CFAP251: variants seen among roughly 807,000 people sequenced by gnomAD.
The protein encoded by CFAP251 is cilia and flagella associated protein 251.
A neutral mutation model predicts 126.7 loss-of-function variants in CFAP251; 93 were observed. That is an observed-to-expected ratio of 0.73 (90% CI 0.62 to 0.87). The LOEUF is 0.87. Among genes scored for constraint, CFAP251 ranks in the 40% least tolerant of loss-of-function variants. The pLI, the probability that CFAP251 is intolerant of heterozygous loss-of-function variation, is 0.00. For synonymous variants in CFAP251, 503 were observed against 506.9 expected (o/e 0.99, Z 0.10); for missense variants, 1,287 against 1,389.2 (o/e 0.93, Z 1.17).
intron 19 of CFAP251, among the ~76,000 whole-genome samples, chr12:121,979,556 T>C (rs1882563524): frequency 1.7e-5 from 2 of 119,478 alleles, no homozygotes; most frequent in Admixed American, 1.8e-4. Context: ...TAGTCAGCTT[T>C]CTTCTTCTTT....
At chr12:121,943,169 TG>T (rs1233304829) in intron 7 of CFAP251, among the ~76,000 whole-genome samples, 194 bp downstream of exon 7, 1 of 152,004 alleles carries the variant, frequency 6.6e-6, no homozygotes, top group Non-Finnish European at 1.5e-5. Flanking sequence ...AAAAATTCCC[TG>T]GGTGTGGTGG....
chr12:121,954,198 G>A lies in CFAP251; in HGVS notation c.1399G>A (p.Glu467Lys). The A allele has an allele frequency of 6.2e-7, 1 of 1,614,126 alleles. No homozygotes were observed. The highest frequency in any genetic ancestry group is 2.2e-5 in the East Asian group (1 of 44,882). Reference sequence around the variant, plus strand: ...AACACAAATACTCTCAGCCACAATGGAAGGGAAGCTGGTTGTCTGGGACAT... The same window carrying A: ...AACACAAATACTCTCAGCCACAATGAAAGGGAAGCTGGTTGTCTGGGACAT... Reference protein sequence around the residue: ...NLTQILSATMEGKLVVWDIHR... With the variant: ...NLTQILSATMKGKLVVWDIHR... The change falls in exon 10 of 22, where the codon GAA becomes AAA. Residue 467 changes from glutamate (E) to lysine (K), a missense_variant. Glu to Lys is a moderately conservative substitution (Grantham distance 56). Transcript: ENST00000288912.
intron 15 of CFAP251, among the ~76,000 whole-genome samples, chr12:121,964,519 C>T (rs1413049310): frequency 6.6e-6 from 1 of 152,210 alleles, no homozygotes; most frequent in Admixed American, 6.5e-5. Context: ...TTGGGAGCTT[C>T]TGCCTGTTGA....
intron 13 of CFAP251, among the ~76,000 whole-genome samples, chr12:121,960,321 G>A (rs893138653): frequency 2.6e-5 from 4 of 151,950 alleles, no homozygotes; most frequent in African/African-American, 9.7e-5. Context: ...CCAGGTTCAA[G>A]CAATTCTTGT....
At chr12:121,969,574 C>A (rs1395272453) in intron 17 of CFAP251, 3 of 853,860 alleles carry the variant, frequency 3.5e-6, no homozygotes, top group African/African-American at 3.7e-5. Context: ...CAGCCTCGAA[C>A]TCCTGGGCTC....
intron 15 of CFAP251, among the ~76,000 whole-genome samples, chr12:121,965,330 G>A (rs892709941): frequency 2.6e-5 from 4 of 152,178 alleles, no homozygotes; most frequent in African/African-American, 4.8e-5. Flanking sequence ...ACTCTCATCC[G>A]CTTCTGGGGG....
chr12:122,003,859 C>T lies in CFAP251; in HGVS notation c.*95C>T. 1 of 842,084 alleles carries T rather than the reference C, an allele frequency of 1.2e-6. No individual in the cohort carries two copies. The highest frequency in any genetic ancestry group is 1.8e-6 in the Non-Finnish European group (1 of 564,920). The allele number at this position is 842,084 out of a possible 1,614,324, so 52.2% of individuals were successfully genotyped here. ...GAGGCACTGCTTTTTATGCATTTCC[C>T]TCCCCCCTCTCATCTTTAGAACATT... On this transcript the variant is annotated 3_prime_UTR_variant, in exon 22 of 22. Transcript: ENST00000288912.
chr12:121,939,436 GCAGAAGGGT>G (rs1164966963), intron 5 of CFAP251, among the ~76,000 whole-genome samples: 1 of 152,128 alleles, frequency 6.6e-6, no homozygotes, highest in African/African-American at 2.4e-5. Context: ...CAGTCGGCCG[GCAGAAGGGT>G]CAGAGTCCTT....
chr12:121,928,649 TATATATAC>T, intron 3 of CFAP251, among the ~76,000 whole-genome samples: 1 of 33,032 alleles, frequency 3.0e-5, no homozygotes, highest in African/African-American at 5.0e-5. Flanking sequence ...TATATATATA[TATATATAC>T]GTATATATAT....
Position 121,974,603 on chromosome 12 carries a change from G to A in CFAP251, c.2772-641G>A, listed in dbSNP as rs893663685. On this transcript the variant is annotated intron_variant, in intron 17 of 21. Coordinates refer to ENST00000288912, the MANE Select transcript of CFAP251 (RefSeq NM_144668.6). This position sits in a 1 kb window ranked among gnomAD's most constrained non-coding sequence, Gnocchi z 4.6. ...GTCGCAGCAAAAAGGCTAATCACCC[G>A]ATTAGCAGTAATCCAGTTAGTGGAT... Among the ~76,000 whole-genome samples the A allele has an allele frequency of 2.6e-5, 4 of 152,120 alleles. No individual in the cohort carries two copies. Among genetic ancestry groups the A allele is most frequent in the Non-Finnish European group, 5.9e-5 (4 of 68,030 alleles).
chr12:121,966,732 C>G (rs908207975), intron 15 of CFAP251, among the ~76,000 whole-genome samples: 4 of 151,620 alleles, frequency 2.6e-5, no homozygotes, highest in Admixed American at 2.0e-4. Context: ...ATTGCAGGCA[C>G]CTGCCACCAC....
chr12:121,924,035 T>C (rs759644665), intron 3 of CFAP251, 45 bp downstream of exon 3: 1 of 1,535,688 alleles, frequency 6.5e-7, no homozygotes, highest in Non-Finnish European at 8.7e-7. Context: ...TTTGAGAGTG[T>C]TGCGCAATAG....
Position 121,957,077 on chromosome 12 carries a change from C to T in CFAP251, c.1539C>T (p.Tyr513=). The T allele has an allele frequency of 1.3e-6, 2 of 1,581,848 alleles. No homozygotes were observed. The highest frequency in any genetic ancestry group is 1.7e-6 in the Non-Finnish European group (2 of 1,165,036). The change falls in exon 11 of 22, where the codon TAC becomes TAT. Residue 513 remains tyrosine, a synonymous_variant. Coordinates refer to ENST00000288912, the MANE Select transcript of CFAP251 (RefSeq NM_144668.6). ...CTGATGTTATTCTCCATTTCAGCTACATTGTCACAGGTGACATTAAGGGGA... is the reference window on the plus strand; with the variant it reads ...CTGATGTTATTCTCCATTTCAGCTATATTGTCACAGGTGACATTAAGGGGA... The part of the protein sequence containing the change: ...GITVLTTIDS[Y]IVTGDIKGNI...
chr12:121,962,834 G>T (rs1007331089), intron 15 of CFAP251, among the ~76,000 whole-genome samples: 4 of 152,180 alleles, frequency 2.6e-5, no homozygotes, highest in African/African-American at 9.7e-5. Flanking sequence ...GCTGCTGTGC[G>T]GTTGGAGGAA....
At chr12:121,940,189 A>G (rs1266098875) in intron 5 of CFAP251, among the ~76,000 whole-genome samples, 1 of 152,234 alleles carries the variant, frequency 6.6e-6, no homozygotes, top group Non-Finnish European at 1.5e-5. Context: ...ATTCACTTAA[A>G]CATTACAAAT....
Position 121,934,276 on chromosome 12 carries a change from C to T in CFAP251, c.918C>T (p.Cys306=), listed in dbSNP as rs767249441. The change falls in exon 5 of 22, where the codon TGC becomes TGT. Residue 306 remains cysteine (C), a synonymous_variant. Coordinates refer to ENST00000288912, the MANE Select transcript of CFAP251 (RefSeq NM_144668.6). ...QGHANIISCL[C]VSEDRRWIAT... ...ACGCCAATATTATCTCCTGCCTCTG[C>T]GTCAGTGAAGACAGGCGGTGGATCG... The T allele has an allele frequency of 1.9e-5, 30 of 1,613,892 alleles. No individual in the cohort carries two copies. The highest frequency in any genetic ancestry group is 1.2e-4 in the African/African-American group (9 of 74,924).
intron 21 of CFAP251, among the ~76,000 whole-genome samples, chr12:122,002,675 A>G (rs1883175812): frequency 1.3e-5 from 2 of 152,166 alleles, no homozygotes; most frequent in South Asian, 4.1e-4. Context: ...TTCCTGCTAT[A>G]GCCTAAGTAT....
At position 121,960,883 on chromosome 12, in the gene CFAP251, T is replaced by A. The variant is rs1881909723; in HGVS notation, c.2307+125T>A. 2.6e-6 allele frequency: 3 copies of A among 1,174,534 alleles called. No homozygotes were observed. In the Admixed American group the frequency reaches 7.4e-5, roughly 29 times the overall value. 72.8% of individuals were successfully genotyped at this position (1,174,534 alleles called of 1,614,324 possible). A position where few individuals can be genotyped will look rare whatever the true frequency, so the allele number is the denominator to read the frequency against. The stretch of plus-strand genomic sequence containing the variant: ...TTTGTTGGAGAAAATGAATGCACAG[T>A]GAAGGATCACAAACCTCTCCAGGTT... On this transcript the variant is annotated intron_variant, in intron 14 of 21. Coordinates refer to ENST00000288912, the MANE Select transcript of CFAP251 (RefSeq NM_144668.6).
chr12:121,956,869 C>G (rs1429853718), intron 10 of CFAP251, among the ~76,000 whole-genome samples: 1 of 152,128 alleles, frequency 6.6e-6, no homozygotes, highest in Non-Finnish European at 1.5e-5. Context: ...TCTGGCAACA[C>G]AATGCCCTGA....
Sources: allele counts gnomAD v4.1 joint callset (sites outside exome capture counted in the v4.1 genomes callset), GRCh38; gene constraint gnomAD v4.1.1; non-coding constraint Gnocchi (gnomAD v3.1); transcripts MANE v1.5; gene names NCBI Gene and HGNC (gene_info 2026-07-23, HGNC 2026-07-21).